RPS6KA5: variants seen among roughly 807,000 people sequenced by gnomAD.
RPS6KA5 encodes ribosomal protein S6 kinase A5.
RPS6KA5 carries 27 observed loss-of-function variants against 85.5 expected under a neutral mutation model. The observed-to-expected ratio is 0.32, with a 90% CI of 0.23 to 0.44. RPS6KA5 has a LOEUF of 0.44. Ranked by LOEUF, RPS6KA5 falls within the 20% of genes least tolerant of loss-of-function variation. The probability of loss-of-function intolerance (pLI) is 1.00; values close to 1 mark genes in which losing one functional copy is unlikely to be tolerated. For missense variants in RPS6KA5, 811 were observed against 980.9 expected, an observed-to-expected ratio of 0.83 and a Z score of 2.31; for synonymous variants, 334 against 348.2, an observed-to-expected ratio of 0.96 and a Z score of 0.46.
At chr14:90,925,813 T>G (rs1285225223) in intron 5 of RPS6KA5, among the ~76,000 whole-genome samples, 1 of 146,360 alleles carries the variant, frequency 6.8e-6, no homozygotes, top group Non-Finnish European at 1.5e-5. Flanking sequence ...TAGTGGCGCA[T>G]GCCTGTAGTC....
At chr14:90,904,770 T>C (rs1393551990) in intron 8 of RPS6KA5, among the ~76,000 whole-genome samples, 1 of 152,170 alleles carries the variant, frequency 6.6e-6, no homozygotes, top group South Asian at 2.1e-4. Context: ...TTTCCAAAAG[T>C]GTCCCTATCA....
chr14:91,052,911 G>A (rs2043156302), intron 1 of RPS6KA5, among the ~76,000 whole-genome samples: 1 of 150,546 alleles, frequency 6.6e-6, no homozygotes, highest in Admixed American at 6.6e-5. Flanking sequence ...CTAGACAGAG[G>A]TATCACCAAA....
intron 2 of RPS6KA5, among the ~76,000 whole-genome samples, chr14:90,983,839 C>G (rs1038653555): frequency 1.4e-3 from 196 of 135,268 alleles, no homozygotes; most frequent in African/African-American, 5.7e-3. Context: ...CTCTCTCTCT[C>G]TTTCTTTTTT....
Position 90,850,144 on chromosome 14 carries a change from C to T in RPS6KA5, c.*21930G>A, listed in dbSNP as rs756204263. The T allele has an allele frequency of 6.6e-6, 1 of 152,206 alleles. No homozygotes were observed. Among genetic ancestry groups the T allele is most frequent in the Non-Finnish European group, 1.5e-5 (1 of 68,058 alleles). The allele number at this position is 152,206 out of a possible 1,614,324, so 9.4% of individuals were successfully genotyped here. On this transcript the variant is annotated 3_prime_UTR_variant, in exon 17 of 17. Coordinates refer to ENST00000614987, the MANE Select transcript of RPS6KA5 (RefSeq NM_004755.4). ...GGCTTTCTACAAGGGAGCAAACAAC[C>T]TCAATTCTTTCCTCTGGGATCCCGT...
chr14:90,960,590 T>C (rs140876423), intron 3 of RPS6KA5, among the ~76,000 whole-genome samples: 57 of 152,284 alleles, frequency 3.7e-4, no homozygotes, highest in African/African-American at 1.3e-3. Context: ...CATTTCCTCA[T>C]ATAAAATACA....
intron 2 of RPS6KA5, among the ~76,000 whole-genome samples, chr14:90,988,691 T>C (rs888530675): frequency 6.6e-6 from 1 of 152,132 alleles, no homozygotes; most frequent in African/African-American, 2.4e-5. Context: ...CGGGCGTCTG[T>C]AATCCTAGCT....
At position 90,915,437 on chromosome 14, in the gene RPS6KA5, C is replaced by T. The variant is rs543887276; in HGVS notation, c.806+4769G>A. On this transcript the variant is annotated intron_variant, in intron 7 of 16. Coordinates refer to ENST00000614987, the MANE Select transcript of RPS6KA5 (RefSeq NM_004755.4). Reference sequence around the variant, plus strand: ...CACAGGCTCTGACAAAGAGAGTTGTCAGGTTAGAGCAGCCCACATTGCAAG... The same window carrying T: ...CACAGGCTCTGACAAAGAGAGTTGTTAGGTTAGAGCAGCCCACATTGCAAG... 1.8e-4 allele frequency among the ~76,000 whole-genome samples: 28 copies of T among 152,252 alleles called. 1 individual carries two copies. In the South Asian group the frequency reaches 5.6e-3, roughly 30 times the overall value.
intron 3 of RPS6KA5, among the ~76,000 whole-genome samples, chr14:90,949,158 T>C (rs2140374991): frequency 6.6e-6 from 1 of 152,354 alleles, no homozygotes; most frequent in Non-Finnish European, 1.5e-5. Context: ...TGAACTTTTT[T>C]CCTACCTTAT....
intron 8 of RPS6KA5, among the ~76,000 whole-genome samples, chr14:90,904,909 A>G (rs955673615): frequency 2.6e-5 from 4 of 152,336 alleles, no homozygotes; most frequent in South Asian, 2.1e-4. Flanking sequence ...AAAAGATCCT[A>G]GGAAAATATG....
intron 1 of RPS6KA5, among the ~76,000 whole-genome samples, chr14:91,007,073 C>T (rs2140621332): frequency 6.6e-6 from 1 of 152,304 alleles, no homozygotes. Flanking sequence ...CCACCAGCTA[C>T]TTGTGCCTTG....
chr14:90,917,372 T>C (rs547101376), intron 7 of RPS6KA5, among the ~76,000 whole-genome samples: 3 of 152,336 alleles, frequency 2.0e-5, no homozygotes, highest in South Asian at 4.1e-4. Flanking sequence ...TGAAGTACAA[T>C]TGACGTACAA....
chr14:90,912,904 CTTTTTTTT>C (rs57029403), intron 7 of RPS6KA5, among the ~76,000 whole-genome samples: 13 of 53,298 alleles, frequency 2.4e-4, no homozygotes, highest in African/African-American at 8.7e-4. Flanking sequence ...CATAAAGCAT[CTTTTTTTT>C]TTTTTTTTTT....
At chr14:90,937,548 T>C (rs2037329443) in intron 5 of RPS6KA5, among the ~76,000 whole-genome samples, 2 of 152,062 alleles carry the variant, frequency 1.3e-5, no homozygotes, top group Non-Finnish European at 2.9e-5. Flanking sequence ...GCAGAGTGTA[T>C]CAGTCCATTC....
chr14:90,920,339 G>A, intron 6 of RPS6KA5, 30 bp from the exon 7 acceptor site: 3 of 1,359,028 alleles, frequency 2.2e-6, no homozygotes, highest in Non-Finnish European at 3.1e-6. Context: ...TCATTTTATA[G>A]AATTATCAAC....
At chr14:90,879,946 G>C (rs2033729469) in intron 14 of RPS6KA5, among the ~76,000 whole-genome samples, 1 of 151,986 alleles carries the variant, frequency 6.6e-6, no homozygotes, top group Non-Finnish European at 1.5e-5. Context: ...ACCATGCCCA[G>C]CTAACTTTTG....
In RPS6KA5 at chr14:90,868,241, T is replaced by C. The variant is rs1347224114; in HGVS notation, c.*3833A>G. ...ACATACTTCTGTTAAAATTTTTTTT[T>C]CCCATTCTTGAGTTTTACAATGTCT... On this transcript the variant is annotated 3_prime_UTR_variant, in exon 17 of 17. Coordinates refer to ENST00000614987, the MANE Select transcript of RPS6KA5 (RefSeq NM_004755.4). 6.6e-6 allele frequency: 1 copy of C among 151,888 alleles called. No individual in the cohort carries two copies. The highest frequency in any genetic ancestry group is 1.5e-5 in the Non-Finnish European group (1 of 67,926). 9.4% of individuals were successfully genotyped at this position (151,888 alleles called of 1,614,324 possible).
At chr14:90,991,673 G>A (rs1034110197) in intron 2 of RPS6KA5, among the ~76,000 whole-genome samples, 6 of 135,198 alleles carry the variant, frequency 4.4e-5, no homozygotes, top group Admixed American at 8.5e-5. Context: ...CTGAACTTCA[G>A]CCTGGGTGAC....
intron 2 of RPS6KA5, among the ~76,000 whole-genome samples, chr14:90,982,807 C>T (rs1203461778): frequency 2.6e-5 from 4 of 152,000 alleles, no homozygotes; most frequent in East Asian, 1.9e-4. Flanking sequence ...GGTGAAACCC[C>T]GTCTCTACTA....
intron 1 of RPS6KA5, among the ~76,000 whole-genome samples, chr14:91,048,577 G>C (rs1183841238): frequency 6.6e-6 from 1 of 152,214 alleles, no homozygotes; most frequent in Non-Finnish European, 1.5e-5. Context: ...GAACTTCTGT[G>C]ATTTTTGGAG....
Sources: gnomAD v4.1 joint callset for allele counts (sites outside exome capture counted in the v4.1 genomes callset) on GRCh38, gnomAD v4.1.1 for gene constraint, MANE v1.5 for transcripts, NCBI Gene and HGNC (gene_info 2026-07-23, HGNC 2026-07-21) for gene names.